SLC5A5: variants seen among roughly 807,000 people sequenced by gnomAD.
SLC5A5 encodes solute carrier family 5 member 5.
A neutral mutation model predicts 68.6 loss-of-function variants in SLC5A5; 56 were observed. The observed-to-expected ratio is 0.82, with a 90% CI of 0.66 to 1.02. The LOEUF (loss-of-function observed/expected upper bound fraction) is 1.02. Ranked by LOEUF, SLC5A5 falls within the 50% of genes least tolerant of loss-of-function variation. SLC5A5 has a pLI of 0.00. For missense variants in SLC5A5, 807 were observed against 859.8 expected (o/e 0.94, Z 0.77); for synonymous variants, 398 against 373.0 (o/e 1.07, Z -0.77).
Position 17,872,038 on chromosome 19 carries a change from C to G in SLC5A5, c.-282C>G, listed in dbSNP as rs558345363. ...CAGCCGGCTGCATGGGACAGCGGAACCCAGAGTGAGAGGGGAGGTGGCAGG... is the reference window on the plus strand; with the variant it reads ...CAGCCGGCTGCATGGGACAGCGGAAGCCAGAGTGAGAGGGGAGGTGGCAGG... On this transcript the variant is annotated 5_prime_UTR_variant, in exon 1 of 15. Coordinates refer to ENST00000222248, the MANE Select transcript of SLC5A5 (RefSeq NM_000453.3). 2 of 492,410 alleles carry G rather than the reference C, an allele frequency of 4.1e-6. No individual in the cohort carries two copies. The highest frequency in any genetic ancestry group is 4.6e-5 in the South Asian group (2 of 43,730). 30.5% of individuals were successfully genotyped at this position (492,410 alleles called of 1,614,324 possible).
In SLC5A5 at chr19:17,872,289, G is replaced by A; in HGVS notation, c.-31G>A. 1 of 1,277,848 alleles carries A rather than the reference G, an allele frequency of 7.8e-7. No homozygotes were observed. The highest frequency in any genetic ancestry group is 1.0e-6 in the Non-Finnish European group (1 of 966,452). 79.2% of individuals were successfully genotyped at this position (1,277,848 alleles called of 1,614,324 possible). On this transcript the variant is annotated 5_prime_UTR_variant, in exon 1 of 15. Transcript: ENST00000222248. ...CCCCGCTTGAGCACGCAGGGCGTCC[G>A]AGGACGCGCTGGGCCTCCGCACCCG...
intron 7 of SLC5A5, among the ~76,000 whole-genome samples, chr19:17,878,746 C>G (rs1483650095): frequency 4.6e-5 from 7 of 152,048 alleles, no homozygotes; most frequent in Admixed American, 1.3e-4. Context: ...GAGGCCGAGA[C>G]AGGCAGATCA....
At chr19:17,886,652 G>A (rs568690200) in intron 12 of SLC5A5, among the ~76,000 whole-genome samples, 1 of 152,182 alleles carries the variant, frequency 6.6e-6, no homozygotes, top group Admixed American at 6.6e-5. Flanking sequence ...TTCCACAGCG[G>A]CCACATCATT....
At chr19:17,893,375 T>C (rs987762984) in intron 14 of SLC5A5, among the ~76,000 whole-genome samples, 2 of 152,090 alleles carry the variant, frequency 1.3e-5, no homozygotes, top group Non-Finnish European at 2.9e-5. Context: ...AGTGCTAGGA[T>C]TACAGGGGTG....
Position 17,893,787 on chromosome 19 carries a change from C to G in SLC5A5, c.1842C>G (p.Phe614Leu), listed in dbSNP as rs752445428. 6.2e-7 allele frequency: 1 copy of G among 1,612,940 alleles called. No homozygotes were observed. Among genetic ancestry groups the G allele is most frequent in the Non-Finnish European group, 8.5e-7 (1 of 1,179,552 alleles). ...CCACCAATGAGGATCGTCTGTTTTT[C>G]TTGGGGCAGAAGGAGCTGGAGGGGG... ...FLPTNEDRLF[F>L]LGQKELEGAG... Residue 614 changes from phenylalanine to leucine, a missense_variant, in exon 15 of 15, where the codon TTC becomes TTG. Phe to Leu is a conservative substitution (Grantham distance 22). Coordinates refer to ENST00000222248, the MANE Select transcript of SLC5A5 (RefSeq NM_000453.3).
chr19:17,873,773 AT>A (rs1464410431), intron 1 of SLC5A5, among the ~76,000 whole-genome samples: 1 of 152,160 alleles, frequency 6.6e-6, no homozygotes, highest in Non-Finnish European at 1.5e-5. Flanking sequence ...CCCCAAAAAA[AT>A]CGTGACAGGT....
Position 17,872,515 on chromosome 19 carries a change from A to G in SLC5A5, c.196A>G (p.Ser66Gly), listed in dbSNP as rs1348186827. The G allele has an allele frequency of 2.5e-6, 4 of 1,612,766 alleles. No individual in the cohort carries two copies. Among genetic ancestry groups the G allele is most frequent in the Non-Finnish European group, 3.4e-6 (4 of 1,179,900 alleles). ...ALPVGLSLSA[S>G]FMSAVQVLGV... ...GCCCGTGGGCCTGTCGCTGTCTGCC[A>G]GCTTCATGTCGGCCGTGCAGGTGCT... is the stretch of plus-strand genomic sequence containing the variant. Residue 66 changes from serine to glycine, a missense_variant, in exon 1 of 15, where the codon AGC (serine) becomes GGC (glycine). Transcript: ENST00000222248.
intron 1 of SLC5A5, 64 bp from the exon 2 acceptor site, chr19:17,874,074 G>T (rs1330031772): frequency 8.5e-7 from 1 of 1,169,892 alleles, no homozygotes; most frequent in African/African-American, 1.5e-5. Context: ...AGCAGACCAG[G>T]GACCCGAGAG....
chr19:17,874,558 G>C lies in SLC5A5; in HGVS notation c.475+13G>C. On this transcript the variant is annotated intron_variant, in intron 3 of 14. Coordinates refer to ENST00000222248, the MANE Select transcript of SLC5A5 (RefSeq NM_000453.3). The stretch of plus-strand genomic sequence containing the variant: ...ATCCTGAACCAAGGTGTGACTCTGG[G>C]AGATTAGGGAAGCATGTCTGGGAAG... The C allele has an allele frequency of 6.2e-7, 1 of 1,613,764 alleles. No homozygotes were observed. Among genetic ancestry groups the C allele is most frequent in the South Asian group, 1.1e-5 (1 of 91,068 alleles).
intron 7 of SLC5A5, among the ~76,000 whole-genome samples, chr19:17,878,886 A>G (rs1225288354): frequency 6.6e-6 from 1 of 150,632 alleles, no homozygotes; most frequent in African/African-American, 2.4e-5. Flanking sequence ...GAGGCAGGAG[A>G]ATAGCTTGAA....
intron 12 of SLC5A5, among the ~76,000 whole-genome samples, chr19:17,885,009 AT>A (rs71164317): frequency 2.6e-3 from 338 of 132,242 alleles, no homozygotes; most frequent in Middle Eastern, 3.9e-3. Flanking sequence ...AACATTTTCT[AT>A]TTTTTTTTTT....
intron 10 of SLC5A5, among the ~76,000 whole-genome samples, chr19:17,883,224 G>T (rs898601588): frequency 6.6e-6 from 1 of 151,656 alleles, no homozygotes. Context: ...CTTCCAAGTC[G>T]CTGAGATTAA....
chr19:17,894,177 A>C lies in SLC5A5; in HGVS notation c.*300A>C, dbSNP rs2030322140. The C allele has an allele frequency of 3.1e-6, 1 of 323,602 alleles. No individual in the cohort carries two copies. Among genetic ancestry groups the C allele is most frequent in the African/African-American group, 2.7e-5 (1 of 36,380 alleles). 20.0% of individuals were successfully genotyped at this position (323,602 alleles called of 1,614,324 possible). A position where few individuals can be genotyped will look rare whatever the true frequency, so the allele number is the denominator to read the frequency against. ...TTTTTTTTTTTTTTGAGACAGGGTCATGCTCTGTCACCCAGGCTGGAGTGC... is the reference window on the plus strand; with the variant it reads ...TTTTTTTTTTTTTTGAGACAGGGTCCTGCTCTGTCACCCAGGCTGGAGTGC... On this transcript the variant is annotated 3_prime_UTR_variant, in exon 15 of 15. Transcript: ENST00000222248.
chr19:17,890,898 G>A lies in SLC5A5; in HGVS notation c.1664G>A (p.Arg555His), dbSNP rs140356148. ...LISCLTGPTK[R>H]STLAPGLLWW... is the part of the protein sequence containing the mutation. ...CCCCGCCTCTCAGGCCCCACCAAGC[G>A]CAGCACCCTGGCCCCGGGATTGTTG... Residue 555 changes from arginine to histidine, a missense_variant, in exon 14 of 15, where the codon CGC (arginine) becomes CAC (histidine). Coordinates refer to ENST00000222248, the MANE Select transcript of SLC5A5 (RefSeq NM_000453.3). 43 of 1,613,332 alleles carry A rather than the reference G, an allele frequency of 2.7e-5. No individual in the cohort carries two copies. Among genetic ancestry groups the A allele is most frequent in the Non-Finnish European group, 3.0e-5 (35 of 1,179,578 alleles).
Position 17,872,122 on chromosome 19 carries a change from G to T in SLC5A5, c.-198G>T. 1 of 580,788 alleles carries T rather than the reference G, an allele frequency of 1.7e-6. No homozygotes were observed. Among genetic ancestry groups the T allele is most frequent in the Non-Finnish European group, 3.1e-6 (1 of 327,672 alleles). The allele number at this position is 580,788 out of a possible 1,614,324, so 36.0% of individuals were successfully genotyped here. ...ACAGCGGGGACAGGGAGGCCGACAC[G>T]GACATCGACAGCCCATAGATTCCTA... On this transcript the variant is annotated 5_prime_UTR_variant, in exon 1 of 15. Coordinates refer to ENST00000222248, the MANE Select transcript of SLC5A5 (RefSeq NM_000453.3).
In SLC5A5 at chr19:17,893,967, T is replaced by C. The variant is rs2147759381; in HGVS notation, c.*90T>C. The C allele has an allele frequency of 1.6e-6, 2 of 1,262,030 alleles. No homozygotes were observed. The highest frequency in any genetic ancestry group is 1.3e-5 in the South Asian group (1 of 77,964). The allele number at this position is 1,262,030 out of a possible 1,614,324, so 78.2% of individuals were successfully genotyped here. A position where few individuals can be genotyped will look rare whatever the true frequency, so the allele number is the denominator to read the frequency against. On this transcript the variant is annotated 3_prime_UTR_variant, in exon 15 of 15. Transcript: ENST00000222248. Reference sequence around the variant, plus strand: ...ACGGGCCCATGGCCTTGGGCTCTGATTGGCTGGATTGCCTTGTATGCAAAT... The same window carrying C: ...ACGGGCCCATGGCCTTGGGCTCTGACTGGCTGGATTGCCTTGTATGCAAAT...
rs574828451 is a variant in SLC5A5 at position 17,893,565 on chromosome 19, GC to G, written c.1768-145del. The G allele has an allele frequency of 1.6e-3, 1,215 of 757,360 alleles. 2 individuals are homozygous for G. The highest frequency in any genetic ancestry group is 2.3e-3 in the Non-Finnish European group (1,037 of 445,886). 46.9% of individuals were successfully genotyped at this position (757,360 alleles called of 1,614,324 possible). On this transcript the variant is annotated intron_variant, in intron 14 of 14. Coordinates refer to ENST00000222248, the MANE Select transcript of SLC5A5 (RefSeq NM_000453.3). Reference sequence around the variant, plus strand: ...TTTGGAGGCAGAGCGGGCAGGACTGGCCCGTGCACTGAGCAAGGGGATAGTA... The same window carrying G: ...TTTGGAGGCAGAGCGGGCAGGACTGGCCGTGCACTGAGCAAGGGGATAGTA...
At chr19:17,887,200 CT>C (rs770053727) in intron 12 of SLC5A5, among the ~76,000 whole-genome samples, 2 of 152,186 alleles carry the variant, frequency 1.3e-5, no homozygotes, top group Non-Finnish European at 2.9e-5. Flanking sequence ...GTACAAGCCC[CT>C]GATCAGATGT....
chr19:17,887,467 A>G (rs1338549246), intron 12 of SLC5A5, among the ~76,000 whole-genome samples: 1 of 151,258 alleles, frequency 6.6e-6, no homozygotes, highest in Non-Finnish European at 1.5e-5. Context: ...GCTAATTTTT[A>G]TATTTTTAGT....
Sources: gnomAD v4.1 joint callset for allele counts (sites outside exome capture counted in the v4.1 genomes callset) on GRCh38, gnomAD v4.1.1 for gene constraint, MANE v1.5 for transcripts, NCBI Gene and HGNC (gene_info 2026-07-23, HGNC 2026-07-21) for gene names.